Variants in CELF4 observed in about 807,000 individuals in gnomAD.
CELF4 encodes CUGBP Elav-like family member 4.
In CELF4, 18 loss-of-function variants were observed where a neutral mutation model predicts 59.9. That is an observed-to-expected ratio of 0.30 (90% CI 0.21 to 0.45). The LOEUF is 0.45. Ranked by LOEUF, CELF4 falls within the 20% of genes least tolerant of loss-of-function variation. CELF4 has a pLI of 1.00. For synonymous variants in CELF4, 261 were observed against 267.1 expected (o/e 0.98, Z 0.22); for missense variants, 456 against 689.0 (o/e 0.66, Z 3.79).
intron 2 of CELF4, among the ~76,000 whole-genome samples, chr18:37,377,979 G>A (rs2154567997): frequency 6.6e-6 from 1 of 152,262 alleles, no homozygotes; most frequent in African/African-American, 2.4e-5. Context: ...GAGGTCCTGA[G>A]TCCAGCGGGG....
chr18:37,428,934 C>G (rs765517329), intron 2 of CELF4, among the ~76,000 whole-genome samples: 2 of 152,190 alleles, frequency 1.3e-5, no homozygotes, highest in Non-Finnish European at 2.9e-5. Flanking sequence ...AGTGACCCTT[C>G]GAGGGCATGG....
At chr18:37,413,728 T>C (rs2099496563) in intron 2 of CELF4, among the ~76,000 whole-genome samples, 1 of 152,212 alleles carries the variant, frequency 6.6e-6, no homozygotes, top group African/African-American at 2.4e-5. Flanking sequence ...GCTTTTTACT[T>C]GGTCAAGTCC....
intron 2 of CELF4, among the ~76,000 whole-genome samples, chr18:37,426,677 G>A (rs1008810817): frequency 6.6e-6 from 1 of 152,180 alleles, no homozygotes; most frequent in African/African-American, 2.4e-5. Flanking sequence ...GTGCGGGAGG[G>A]CTGGGGGCGG....
chr18:37,354,806 C>T (rs1042534564), intron 2 of CELF4, among the ~76,000 whole-genome samples: 1 of 152,216 alleles, frequency 6.6e-6, no homozygotes. Context: ...CATTGATGAA[C>T]CTGTTTGCAA....
rs115697902 is a variant in CELF4, at chr18:37,453,811, T to C, written c.369+31714A>G. 5.2e-3 allele frequency among the ~76,000 whole-genome samples: 796 copies of C among 152,270 alleles called. 12 individuals are homozygous for C. The highest frequency in any genetic ancestry group is 0.019 in the African/African-American group (772 of 41,558). On this transcript the variant is annotated intron_variant, in intron 2 of 12. Transcript: ENST00000420428. ...GGGTAGTCTGAAGAGAAAATGCCGA[T>C]ATGAGCCTCTGTACCACCCTGGCAC...
intron 2 of CELF4, among the ~76,000 whole-genome samples, chr18:37,391,729 G>A (rs2099164013): frequency 6.6e-6 from 1 of 152,226 alleles, no homozygotes; most frequent in Admixed American, 6.5e-5. Context: ...CATAGAGCTT[G>A]TTTTCTGATT....
chr18:37,382,889 T>C (rs962416837), intron 2 of CELF4, among the ~76,000 whole-genome samples: 3 of 152,152 alleles, frequency 2.0e-5, no homozygotes, highest in African/African-American at 7.2e-5. Flanking sequence ...GCCCTGACCC[T>C]GACCCTGGAT....
intron 1 of CELF4, among the ~76,000 whole-genome samples, chr18:37,489,722 T>C (rs118019875): frequency 6.6e-6 from 1 of 152,328 alleles, no homozygotes; most frequent in East Asian, 1.9e-4. Context: ...CTTTGGGAAC[T>C]CACAGTTGAG....
intron 2 of CELF4, among the ~76,000 whole-genome samples, chr18:37,411,215 C>G (rs2154592115): frequency 6.6e-6 from 1 of 152,328 alleles, no homozygotes; most frequent in South Asian, 2.1e-4. Flanking sequence ...CTTGGCCTCC[C>G]AAAGTGTTGG....
At chr18:37,511,424 C>T (rs2099944208) in intron 1 of CELF4, among the ~76,000 whole-genome samples, 1 of 152,100 alleles carries the variant, frequency 6.6e-6, no homozygotes, top group South Asian at 2.1e-4. Flanking sequence ...TGGCATTCCC[C>T]AGGCTCTCCT....
chr18:37,324,749 C>T (rs1044010408), intron 2 of CELF4, among the ~76,000 whole-genome samples: 3 of 152,134 alleles, frequency 2.0e-5, no homozygotes, highest in Non-Finnish European at 4.4e-5. Flanking sequence ...ATCCATAACA[C>T]CCCTGAGAAC....
At chr18:37,553,375 C>CA (rs2099983833) in intron 1 of CELF4, among the ~76,000 whole-genome samples, 2 of 152,118 alleles carry the variant, frequency 1.3e-5, no homozygotes, top group Non-Finnish European at 2.9e-5. Context: ...CATTTCATCA[C>CA]ACGTAGCATA....
intron 1 of CELF4, among the ~76,000 whole-genome samples, chr18:37,537,018 G>T (rs2099974062): frequency 6.6e-6 from 1 of 152,206 alleles, no homozygotes; most frequent in South Asian, 2.1e-4. Flanking sequence ...ACGACTGGCG[G>T]GTGTCATAGG....
At chr18:37,407,720 G>A (rs1206173490) in intron 2 of CELF4, among the ~76,000 whole-genome samples, 1 of 152,004 alleles carries the variant, frequency 6.6e-6, no homozygotes, top group African/African-American at 2.4e-5. Context: ...TTTAATATAC[G>A]AAGTGAAATG....
intron 2 of CELF4, among the ~76,000 whole-genome samples, chr18:37,434,255 A>G (rs970404248): frequency 2.0e-5 from 3 of 152,218 alleles, no homozygotes; most frequent in Non-Finnish European, 4.4e-5. Flanking sequence ...AGTACAGACA[A>G]TGAGGGTTTG....
At chr18:37,310,770 C>T (rs1393989148) in intron 3 of CELF4, among the ~76,000 whole-genome samples, 1 of 152,152 alleles carries the variant, frequency 6.6e-6, no homozygotes, top group Non-Finnish European at 1.5e-5. Flanking sequence ...ACTCAGTGCT[C>T]ACTTGGTACA....
chr18:37,313,245 C>T (rs897600723), intron 3 of CELF4, among the ~76,000 whole-genome samples: 2 of 152,164 alleles, frequency 1.3e-5, no homozygotes, highest in African/African-American at 4.8e-5. Context: ...CTTATGGACT[C>T]AGCGTAATTT....
At chr18:37,303,119 T>G (rs11081997) in intron 3 of CELF4, among the ~76,000 whole-genome samples, 58,346 of 151,998 alleles carry the variant, frequency 0.38, 11,277 homozygotes, top group South Asian at 0.51. Flanking sequence ...TCTCAGCACT[T>G]CCTTTGGCTC....
intron 2 of CELF4, among the ~76,000 whole-genome samples, chr18:37,468,626 A>G (rs1264648037): frequency 6.6e-6 from 1 of 152,170 alleles, no homozygotes; most frequent in African/African-American, 2.4e-5. Flanking sequence ...ACACTGCTAT[A>G]AAGACATACC....
Sources: gnomAD v4.1 joint callset for allele counts (sites outside exome capture counted in the v4.1 genomes callset) on GRCh38, gnomAD v4.1.1 for gene constraint, MANE v1.5 for transcripts, NCBI Gene and HGNC (gene_info 2026-07-23, HGNC 2026-07-21) for gene names.